NEGR1: variants seen among roughly 807,000 people sequenced by gnomAD.
NEGR1 encodes the protein neuronal growth regulator 1.
Under a neutral mutation model 40.9 loss-of-function variants are expected in NEGR1, and 10 were observed. That is an observed-to-expected ratio of 0.24 (90% CI 0.15 to 0.42). The LOEUF (loss-of-function observed/expected upper bound fraction) is 0.42. Ranked by LOEUF, NEGR1 falls within the 10% of genes least tolerant of loss-of-function variation. The pLI, the probability that NEGR1 is intolerant of heterozygous loss-of-function variation, is 1.00. For missense variants in NEGR1, 352 were observed against 438.9 expected, an observed-to-expected ratio of 0.80 and a Z score of 1.77; for synonymous variants, 185 against 166.8, an observed-to-expected ratio of 1.11 and a Z score of -0.84.
At chr1:71,675,983 C>T (rs1652621098) in intron 4 of NEGR1, among the ~76,000 whole-genome samples, 1 of 151,944 alleles carries the variant, frequency 6.6e-6, no homozygotes, top group Non-Finnish European at 1.5e-5. Flanking sequence ...AGTTTCTATA[C>T]AGATACTAAA....
chr1:71,483,203 C>A, intron 6 of NEGR1, among the ~76,000 whole-genome samples: 1 of 151,034 alleles, frequency 6.6e-6, no homozygotes, highest in African/African-American at 2.4e-5. Flanking sequence ...AGCACAAAGC[C>A]CAGTTTGATT....
At chr1:71,642,413 G>C (rs56822456) in intron 4 of NEGR1, among the ~76,000 whole-genome samples, 5,564 of 151,372 alleles carry the variant, frequency 0.037, 131 homozygotes, top group African/African-American at 0.073. Context: ...AAGAGAAGAA[G>C]AAAAGGAAGA....
At chr1:71,703,803 G>C (rs1313353170) in intron 3 of NEGR1, among the ~76,000 whole-genome samples, 1 of 151,670 alleles carries the variant, frequency 6.6e-6, no homozygotes, top group African/African-American at 2.4e-5. Context: ...ACAGAGCCTC[G>C]ATGATATATG....
intron 3 of NEGR1, among the ~76,000 whole-genome samples, chr1:71,730,985 A>G (rs892930342): frequency 9.9e-5 from 15 of 151,724 alleles, no homozygotes; most frequent in Admixed American, 9.9e-4. Context: ...AATAGCAAGT[A>G]AGAAATTGTT....
chr1:71,609,651 GA>G (rs1329725076), intron 5 of NEGR1, among the ~76,000 whole-genome samples: 1 of 139,306 alleles, frequency 7.2e-6, no homozygotes, highest in East Asian at 2.4e-4. Context: ...TCCAGTTCCA[GA>G]AAAAAATACC....
At chr1:71,443,376 A>T (rs905652742) in intron 6 of NEGR1, among the ~76,000 whole-genome samples, 6 of 152,204 alleles carry the variant, frequency 3.9e-5, no homozygotes, top group Non-Finnish European at 2.9e-5. Context: ...TTGGCACCTA[A>T]AAATACGTTG....
intron 2 of NEGR1, among the ~76,000 whole-genome samples, chr1:71,820,652 T>C (rs1455671693): frequency 1.3e-5 from 2 of 151,934 alleles, no homozygotes; most frequent in African/African-American, 4.8e-5. Context: ...TGTCCTCAAA[T>C]GTACAATCAA....
chr1:71,798,535 A>G lies in NEGR1; in HGVS notation c.410-22238T>C, dbSNP rs552755188. Among the ~76,000 whole-genome samples the G allele has an allele frequency of 6.6e-5, 10 of 152,320 alleles. No homozygotes were observed. The South Asian group carries it at 2.1e-3, about 32-fold the overall frequency. ...AGAACTATTCTAACTATTTATGCAT[A>G]TTAAAGAATTACATCTTCACAATAT... is the stretch of plus-strand genomic sequence containing the variant. On this transcript the variant is annotated intron_variant, in intron 2 of 6. Transcript: ENST00000357731.
At chr1:71,417,791 G>A (rs1251225487) in intron 6 of NEGR1, among the ~76,000 whole-genome samples, 1 of 152,116 alleles carries the variant, frequency 6.6e-6, no homozygotes, top group Non-Finnish European at 1.5e-5. Flanking sequence ...TCTTAAAATT[G>A]TAGCTTTAAA....
chr1:71,630,970 A>AATT (rs1222166463), intron 4 of NEGR1, among the ~76,000 whole-genome samples: 2 of 151,898 alleles, frequency 1.3e-5, no homozygotes, highest in Non-Finnish European at 2.9e-5. Context: ...AAGATTTGGT[A>AATT]TGGACAGTAA....
At chr1:71,636,765 A>G (rs1363696064) in intron 4 of NEGR1, among the ~76,000 whole-genome samples, 1 of 152,038 alleles carries the variant, frequency 6.6e-6, no homozygotes, top group Non-Finnish European at 1.5e-5. Context: ...AATGCTATTC[A>G]ATGGAGACCT....
At chr1:72,046,923 C>T (rs1647007799) in intron 1 of NEGR1, among the ~76,000 whole-genome samples, 1 of 151,610 alleles carries the variant, frequency 6.6e-6, no homozygotes, top group South Asian at 2.1e-4. Context: ...ATTTCACAGG[C>T]TGTTGGGGAA....
At chr1:71,914,514 T>C (rs1661516820) in intron 2 of NEGR1, among the ~76,000 whole-genome samples, 1 of 152,230 alleles carries the variant, frequency 6.6e-6, no homozygotes, top group Non-Finnish European at 1.5e-5. Flanking sequence ...ACTTTTCATA[T>C]GATTTCGAGT....
intron 1 of NEGR1, among the ~76,000 whole-genome samples, chr1:72,141,085 G>C (rs1650660383): frequency 6.6e-6 from 1 of 151,968 alleles, no homozygotes. Flanking sequence ...AAGTGTTGGG[G>C]AGCATAGTAG....
At chr1:71,650,228 G>A (rs1229822366) in intron 4 of NEGR1, among the ~76,000 whole-genome samples, 1 of 152,104 alleles carries the variant, frequency 6.6e-6, no homozygotes, top group African/African-American at 2.4e-5. Flanking sequence ...GAAATGCTGG[G>A]ATGTTCAACA....
chr1:71,965,090 C>G (rs1248867242), intron 1 of NEGR1, among the ~76,000 whole-genome samples: 2 of 152,132 alleles, frequency 1.3e-5, no homozygotes, highest in Admixed American at 6.6e-5. Context: ...GAAATATTTT[C>G]CTTCTTTGAT....
At chr1:71,651,325 T>C (rs1651710159) in intron 4 of NEGR1, among the ~76,000 whole-genome samples, 1 of 152,130 alleles carries the variant, frequency 6.6e-6, no homozygotes, top group East Asian at 1.9e-4. Context: ...GATCAGAATG[T>C]TACTTGTATG....
At chr1:71,675,140 TGAATTCTTAGAAGCA>T (rs1553157769) in intron 4 of NEGR1, among the ~76,000 whole-genome samples, 35 of 141,846 alleles carry the variant, frequency 2.5e-4, no homozygotes, top group East Asian at 6.3e-4. Flanking sequence ...CACACACATA[TGAATTCTTAGAAGCA>T]ATATTTAAAG....
At chr1:72,281,999 T>A (rs938077529) in intron 1 of NEGR1, among the ~76,000 whole-genome samples, 1 of 151,102 alleles carries the variant, frequency 6.6e-6, no homozygotes, top group African/African-American at 2.4e-5. Context: ...GAGTACCCCA[T>A]GACAGTAAAA....
Sources: gnomAD v4.1 joint callset for allele counts (sites outside exome capture counted in the v4.1 genomes callset) on GRCh38, gnomAD v4.1.1 for gene constraint, MANE v1.5 for transcripts, NCBI Gene and HGNC (gene_info 2026-07-23, HGNC 2026-07-21) for gene names.